The following MORN2 variants were observed in gnomAD, a reference collection of about 807,000 sequenced individuals.
MORN2 encodes MORN repeat-containing protein 2.
In MORN2, 15 loss-of-function variants were observed where a neutral mutation model predicts 13.4. That is an observed-to-expected ratio of 1.12 (90% CI 0.75 to 1.72). The LOEUF (loss-of-function observed/expected upper bound fraction) is 1.72. Ranked by LOEUF, MORN2 falls within the 40% of genes most tolerant of loss-of-function variation. The pLI is 0.00. For synonymous variants in MORN2, 46 were observed against 43.6 expected, an observed-to-expected ratio of 1.06 and a Z score of -0.22; for missense variants, 168 against 134.6, an observed-to-expected ratio of 1.25 and a Z score of -1.23.
At chr2:38,880,911 C>G (rs1665759600) in intron 3 of MORN2, among the ~76,000 whole-genome samples, 1 of 152,156 alleles carries the variant, frequency 6.6e-6, no homozygotes, top group African/African-American at 2.4e-5. Flanking sequence ...TTTCTCATCT[C>G]CTATTCATTG....
chr2:38,877,197 C>T (rs976907631), intron 1 of MORN2, among the ~76,000 whole-genome samples: 2 of 151,868 alleles, frequency 1.3e-5, no homozygotes, highest in Non-Finnish European at 2.9e-5. Flanking sequence ...ACCCGGGAGG[C>T]GGAGGTTGCA....
Position 38,881,442 on chromosome 2 carries a change from A to C in MORN2, c.217A>C (p.Met73Leu). The change falls in exon 4 of 5, where the codon ATG becomes CTG. Residue 73 changes from methionine to leucine, a missense_variant and splice_region_variant. Physicochemically the swap from Met to Leu is conservative, Grantham distance 15. Transcript: ENST00000644631. ...AGGTAATTTCCTTTGTTACAAACAG[A>C]TGAATGGTTTTGGAAGACTTGAGCA... is the stretch of plus-strand genomic sequence containing the variant. 1.3e-6 allele frequency: 2 copies of C among 1,533,356 alleles called. No individual in the cohort carries two copies. The highest frequency in any genetic ancestry group is 2.5e-5 in the South Asian group (2 of 78,854). 95.0% of individuals were successfully genotyped at this position (1,533,356 alleles called of 1,614,324 possible).
At chr2:38,881,911 A>G (rs1262922535) in intron 4 of MORN2, among the ~76,000 whole-genome samples, 3 of 152,248 alleles carry the variant, frequency 2.0e-5, no homozygotes, top group South Asian at 4.1e-4. Context: ...TCGGCCTCTC[A>G]GAGTGCTGAG....
intron 1 of MORN2, among the ~76,000 whole-genome samples, chr2:38,877,806 A>T (rs1025668102): frequency 3.3e-5 from 5 of 151,260 alleles, no homozygotes; most frequent in Admixed American, 2.6e-4. Context: ...TTTTTATTTT[A>T]TTATTTTTTT....
intron 1 of MORN2, among the ~76,000 whole-genome samples, chr2:38,877,627 G>C (rs1230480648): frequency 1.3e-5 from 2 of 151,938 alleles, no homozygotes; most frequent in Non-Finnish European, 2.9e-5. Flanking sequence ...TTTAGTTACA[G>C]ATTCTTTTTT....
At chr2:38,881,065 G>A (rs771063197) in intron 3 of MORN2, among the ~76,000 whole-genome samples, 1 of 152,168 alleles carries the variant, frequency 6.6e-6, no homozygotes, top group African/African-American at 2.4e-5. Context: ...AAACAGGAAA[G>A]TATACCCTGG....
At position 38,880,592 on chromosome 2, in the gene MORN2, C is replaced by G. The variant is rs1005516495; in HGVS notation, c.110-8C>G. ...ATTTATAATCTTCAGTTTTTCTCCT[C>G]TGTTTAGATGGTGACTGTACAAGAA... On this transcript the variant is annotated splice_polypyrimidine_tract_variant and splice_region_variant and intron_variant, in intron 2 of 4. Transcript: ENST00000644631. 41 of 1,493,292 alleles carry G rather than the reference C, an allele frequency of 2.7e-5. No individual in the cohort carries two copies. Among genetic ancestry groups the G allele is most frequent in the Non-Finnish European group, 3.6e-5 (40 of 1,113,660 alleles). 92.5% of individuals were successfully genotyped at this position (1,493,292 alleles called of 1,614,324 possible). A position where few individuals can be genotyped will look rare whatever the true frequency, so the allele number is the denominator to read the frequency against.
At position 38,881,566 on chromosome 2, in the gene MORN2, T is replaced by G. The variant is rs1256146181; in HGVS notation, c.341T>G (p.Phe114Cys). The G allele has an allele frequency of 6.6e-7, 1 of 1,514,982 alleles. No homozygotes were observed. Among genetic ancestry groups the G allele is most frequent in the Admixed American group, 2.5e-5 (1 of 40,186 alleles). The allele number at this position is 1,514,982 out of a possible 1,614,324, so 93.8% of individuals were successfully genotyped here. The change falls in exon 4 of 5, where the codon TTC becomes TGC. Residue 114 changes from phenylalanine (F) to cysteine (C), a missense_variant. By Grantham distance (205) the Phe-to-Cys change is radical. Transcript: ENST00000644631. ...AATGGGGCAAAGTATACTGGAAATTTCAATGAAAATAGGTAAGCTTAAAAT... is the reference window on the plus strand; with the variant it reads ...AATGGGGCAAAGTATACTGGAAATTGCAATGAAAATAGGTAAGCTTAAAAT...
intron 1 of MORN2, among the ~76,000 whole-genome samples, chr2:38,878,422 A>C (rs1254520910): frequency 2.6e-5 from 4 of 152,070 alleles, no homozygotes; most frequent in African/African-American, 9.7e-5. Context: ...TATTTATTCA[A>C]ATATCCCTTA....
chr2:38,881,591 T>TAA lies in MORN2; in HGVS notation c.353+21_353+22dup. On this transcript the variant is annotated intron_variant, in intron 4 of 4. Transcript: ENST00000644631. The stretch of plus-strand genomic sequence containing the variant: ...TCAATGAAAATAGGTAAGCTTAAAA[T>TAA]AAAAAAAAATCACTGCATTTCTAAA... 3 of 1,474,860 alleles carry TAA rather than the reference T, an allele frequency of 2.0e-6. No individual in the cohort carries two copies. Among genetic ancestry groups the TAA allele is most frequent in the Non-Finnish European group, 2.7e-6 (3 of 1,111,384 alleles). The allele number at this position is 1,474,860 out of a possible 1,614,324, so 91.4% of individuals were successfully genotyped here. A position where few individuals can be genotyped will look rare whatever the true frequency, so the allele number is the denominator to read the frequency against.
At position 38,881,647 on chromosome 2, in the gene MORN2, C is replaced by CTTAT. The variant is rs200931040; in HGVS notation, c.353+87_353+90dup. The CTTAT allele has an allele frequency of 1.9e-3, 2,184 of 1,176,882 alleles. 24 individuals carry two copies. In the African/African-American group the frequency reaches 0.031, roughly 17 times the overall value. The allele number at this position is 1,176,882 out of a possible 1,614,324, so 72.9% of individuals were successfully genotyped here. ...ATTTTCTGGTATGTTTGCTTAAATA[C>CTTAT]TTATTTATTTATTTATTTATTGAGA... On this transcript the variant is annotated intron_variant, in intron 4 of 4. Coordinates refer to ENST00000644631, the MANE Select transcript of MORN2 (RefSeq NM_001145450.3).
At chr2:38,876,428 A>G (rs1019289543) in intron 1 of MORN2, among the ~76,000 whole-genome samples, 1 of 152,230 alleles carries the variant, frequency 6.6e-6, no homozygotes, top group African/African-American at 2.4e-5. Flanking sequence ...TTTAGCGGCA[A>G]TTGAAAACAG....
At chr2:38,879,120 T>TGGTAGGTCCAGGTAGG (rs1237861735) in intron 1 of MORN2, among the ~76,000 whole-genome samples, 1 of 152,204 alleles carries the variant, frequency 6.6e-6, no homozygotes, top group Non-Finnish European at 1.5e-5. Context: ...TCTCATTCTG[T>TGGTAGGTCCAGGTAGG]GTGGACCTAC....
chr2:38,880,143 A>G (rs1665742255), intron 1 of MORN2, 36 bp from the exon 2 acceptor site: 1 of 398,548 alleles, frequency 2.5e-6, no homozygotes, highest in East Asian at 3.6e-5. Flanking sequence ...AAAAAAAAGT[A>G]AACTTATGTC....
intron 1 of MORN2, among the ~76,000 whole-genome samples, chr2:38,877,603 G>T (rs1665677429): frequency 6.6e-6 from 1 of 151,848 alleles, no homozygotes; most frequent in African/African-American, 2.4e-5. Context: ...TTTCCATATT[G>T]ATATTACCTG....
intron 1 of MORN2, among the ~76,000 whole-genome samples, chr2:38,878,640 C>G (rs4670899): frequency 6.6e-6 from 1 of 151,946 alleles, no homozygotes; most frequent in Admixed American, 6.5e-5. Context: ...ATCTATTCTG[C>G]TTTTCATCCC....
chr2:38,876,991 C>G (rs576984290), intron 1 of MORN2, among the ~76,000 whole-genome samples: 1 of 152,332 alleles, frequency 6.6e-6, no homozygotes, highest in East Asian at 1.9e-4. Flanking sequence ...TCTATTTTGC[C>G]AACTCTTGAG....
chr2:38,882,467 C>T lies in MORN2; in HGVS notation c.408C>T (p.Asn136=). Residue 136 remains asparagine (N), a synonymous_variant, in exon 5 of 5, where the codon AAC becomes AAT. Transcript: ENST00000644631. ...TCCAAGGACTAGAATGGAGTGGTAACTTTCATTTTACAGCTGCTCCAGACC... is the reference window on the plus strand; with the variant it reads ...TCCAAGGACTAGAATGGAGTGGTAATTTTCATTTTACAGCTGCTCCAGACC... 6.4e-7 allele frequency: 1 copy of T among 1,550,856 alleles called. No homozygotes were observed. The highest frequency in any genetic ancestry group is 8.7e-7 in the Non-Finnish European group (1 of 1,146,548).
intron 1 of MORN2, among the ~76,000 whole-genome samples, chr2:38,878,181 A>T (rs923134142): frequency 1.3e-5 from 2 of 152,188 alleles, no homozygotes; most frequent in Admixed American, 6.5e-5. Context: ...TTTGTCTCGG[A>T]ATTTTAAAGA....
Sources: gnomAD v4.1 joint callset for allele counts (sites outside exome capture counted in the v4.1 genomes callset) on GRCh38, gnomAD v4.1.1 for gene constraint, MANE v1.5 for transcripts, NCBI Gene and HGNC (gene_info 2026-07-23, HGNC 2026-07-21) for gene names.